The following KCNIP4 variants were observed in gnomAD, a reference collection of about 807,000 sequenced individuals.
KCNIP4 encodes the protein Kv channel-interacting protein 4.
Under a neutral mutation model 34.0 loss-of-function variants are expected in KCNIP4, and 12 were observed. The ratio of observed to expected loss-of-function variants is 0.35; its 90% confidence interval spans 0.23 to 0.57. The LOEUF is 0.57. Ranked by LOEUF, KCNIP4 falls within the 20% of genes least tolerant of loss-of-function variation. The pLI is 0.83. For missense variants in KCNIP4, 238 were observed against 311.7 expected (o/e 0.76, Z 1.78); for synonymous variants, 124 against 102.2 (o/e 1.21, Z -1.29).
chr4:21,100,017 T>C (rs889260169), intron 1 of KCNIP4, among the ~76,000 whole-genome samples: 2 of 152,110 alleles, frequency 1.3e-5, no homozygotes, highest in African/African-American at 2.4e-5. Flanking sequence ...AGCAAGAAAA[T>C]TGCCTTCTTG....
intron 1 of KCNIP4, among the ~76,000 whole-genome samples, chr4:21,393,206 G>C (rs1217826388): frequency 6.6e-6 from 1 of 152,148 alleles, no homozygotes; most frequent in Non-Finnish European, 1.5e-5. Flanking sequence ...CATCAGAATA[G>C]ACATTTATCC....
chr4:21,258,765 A>T (rs1212592534), intron 1 of KCNIP4, among the ~76,000 whole-genome samples: 1 of 152,052 alleles, frequency 6.6e-6, no homozygotes, highest in African/African-American at 2.4e-5. Flanking sequence ...TCGCTTCCCT[A>T]CCCCTACTGG....
chr4:20,894,571 G>C (rs555613741), intron 1 of KCNIP4, among the ~76,000 whole-genome samples: 1 of 152,226 alleles, frequency 6.6e-6, no homozygotes, highest in East Asian at 1.9e-4. Flanking sequence ...AAATCCTGCA[G>C]AATCTCATAG....
At chr4:20,953,012 T>A (rs528271504) in intron 1 of KCNIP4, among the ~76,000 whole-genome samples, 1 of 152,390 alleles carries the variant, frequency 6.6e-6, no homozygotes, top group South Asian at 2.1e-4. Flanking sequence ...GGAGCCCTCA[T>A]GACTTAGTCA....
At chr4:21,438,288 G>A (rs756865200) in intron 1 of KCNIP4, among the ~76,000 whole-genome samples, 11 of 152,138 alleles carry the variant, frequency 7.2e-5, no homozygotes, top group East Asian at 1.9e-4. Flanking sequence ...TTCTTAATGC[G>A]ATTTTTAAGC....
intron 1 of KCNIP4, among the ~76,000 whole-genome samples, chr4:21,714,558 A>T (rs1714000184): frequency 7.3e-6 from 1 of 136,802 alleles, no homozygotes; most frequent in Non-Finnish European, 1.6e-5. Flanking sequence ...GAAGGGGGGG[A>T]TTAATGGGGG....
At chr4:21,937,251 A>T (rs1729910366) in intron 1 of KCNIP4, among the ~76,000 whole-genome samples, 1 of 152,066 alleles carries the variant, frequency 6.6e-6, no homozygotes, top group Non-Finnish European at 1.5e-5. Context: ...TGAACACATT[A>T]TCTTCCCTCC....
chr4:20,984,020 C>A, intron 1 of KCNIP4: 1 of 1,494,954 alleles, frequency 6.7e-7, no homozygotes. Flanking sequence ...GGAACAAAGA[C>A]TTGCAAGGGG....
intron 1 of KCNIP4, among the ~76,000 whole-genome samples, chr4:21,865,047 T>G (rs1241801895): frequency 6.6e-6 from 1 of 152,070 alleles, no homozygotes. Context: ...ACTCCATGCA[T>G]GGTCCCAAGG....
intron 1 of KCNIP4, among the ~76,000 whole-genome samples, chr4:21,571,526 A>G (rs947516200): frequency 1.1e-4 from 16 of 152,210 alleles, no homozygotes; most frequent in Admixed American, 9.8e-4. Flanking sequence ...ATAAATAAGC[A>G]GCAGGTGAAC....
At chr4:21,698,026 A>G (rs1438363955) in intron 1 of KCNIP4, among the ~76,000 whole-genome samples, 1 of 78,584 alleles carries the variant, frequency 1.3e-5, no homozygotes, top group Non-Finnish European at 2.4e-5. Flanking sequence ...GTCAGACATC[A>G]GACAACTCCC....
intron 1 of KCNIP4, among the ~76,000 whole-genome samples, chr4:21,200,056 G>T (rs546271277): frequency 5.9e-5 from 9 of 151,936 alleles, no homozygotes; most frequent in African/African-American, 2.2e-4. Flanking sequence ...TGGGGGAAGC[G>T]GGGAGGGATA....
At chr4:21,571,624 G>A (rs1740375933) in intron 1 of KCNIP4, among the ~76,000 whole-genome samples, 2 of 152,134 alleles carry the variant, frequency 1.3e-5, no homozygotes, top group Non-Finnish European at 2.9e-5. Context: ...CAGAAAGCAG[G>A]AAGAGGAAGG....
At chr4:21,919,455 A>C (rs1327271619) in intron 1 of KCNIP4, among the ~76,000 whole-genome samples, 1 of 152,176 alleles carries the variant, frequency 6.6e-6, no homozygotes, top group East Asian at 1.9e-4. Context: ...TATATTTGGG[A>C]AGAAGCTTTA....
chr4:21,528,545 T>C (rs543794119), intron 1 of KCNIP4, among the ~76,000 whole-genome samples: 2 of 151,660 alleles, frequency 1.3e-5, no homozygotes, highest in East Asian at 1.9e-4. Context: ...CGGGCGCCTA[T>C]AGTCCCAGCT....
chr4:21,895,871 T>C (rs1049083392), intron 1 of KCNIP4, among the ~76,000 whole-genome samples: 2 of 152,180 alleles, frequency 1.3e-5, no homozygotes, highest in South Asian at 4.1e-4. Context: ...GATTTATTTA[T>C]ACCTCTCTTT....
chr4:21,074,094 T>C (rs1022668188), intron 1 of KCNIP4, among the ~76,000 whole-genome samples: 3 of 152,174 alleles, frequency 2.0e-5, no homozygotes, highest in African/African-American at 4.8e-5. Context: ...TGGTCTAAAA[T>C]TCTCTTTTTT....
intron 1 of KCNIP4, among the ~76,000 whole-genome samples, chr4:21,664,087 A>G (rs1748652339): frequency 6.6e-6 from 1 of 152,092 alleles, no homozygotes. Flanking sequence ...CTGGGACTAC[A>G]GGTGTGCACC....
chr4:20,988,545 G>T (rs1736798644), intron 1 of KCNIP4, among the ~76,000 whole-genome samples: 1 of 152,084 alleles, frequency 6.6e-6, no homozygotes, highest in African/African-American at 2.4e-5. Flanking sequence ...CATACTGTTT[G>T]TTGACATTAT....
Sources: gnomAD v4.1 joint callset for allele counts (sites outside exome capture counted in the v4.1 genomes callset) on GRCh38, gnomAD v4.1.1 for gene constraint, MANE v1.5 for transcripts, NCBI Gene and HGNC (gene_info 2026-07-23, HGNC 2026-07-21) for gene names.